TMEM74: variants seen among roughly 807,000 people sequenced by gnomAD.
TMEM74 encodes the protein transmembrane protein 74.
Under a neutral mutation model 18.1 loss-of-function variants are expected in TMEM74, and 13 were observed. That is an observed-to-expected ratio of 0.72 (90% CI 0.47 to 1.14). The LOEUF (loss-of-function observed/expected upper bound fraction) is 1.14, where lower values mean the gene tolerates loss of function less well. Ranked by LOEUF, TMEM74 falls within the 50% of genes most tolerant of loss-of-function variation. The pLI is 0.00. For synonymous variants in TMEM74, 159 were observed against 146.6 expected, an observed-to-expected ratio of 1.08 and a Z score of -0.61; for missense variants, 372 against 375.9, an observed-to-expected ratio of 0.99 and a Z score of 0.09.
At chr8:108,695,031 G>A (rs111690590) in intron 1 of TMEM74, among the ~76,000 whole-genome samples, 4,465 of 152,254 alleles carry the variant, frequency 0.029, 122 homozygotes, top group African/African-American at 0.066. Context: ...CTAACCACAC[G>A]CTGGGCCAGG....
intron 1 of TMEM74, among the ~76,000 whole-genome samples, chr8:108,659,438 T>C (rs1388919478): frequency 6.6e-6 from 1 of 152,168 alleles, no homozygotes; most frequent in East Asian, 1.9e-4. Flanking sequence ...CAATATCCTT[T>C]CTTTCTGGTT....
At chr8:108,653,401 G>C (rs1229295049) in intron 2 of TMEM74, 1 of 152,364 alleles carries the variant, frequency 6.6e-6, no homozygotes, top group African/African-American at 2.4e-5. Flanking sequence ...TGACACACTT[G>C]CCTTTACTTG....
rs1381264278 is a variant in TMEM74, at chr8:108,780,587, G to A, written c.*3594C>T. On this transcript the variant is annotated 3_prime_UTR_variant, in exon 2 of 2. Coordinates refer to ENST00000297459, the MANE Select transcript of TMEM74 (RefSeq NM_153015.3). ...AGAAATTGTACCTTGAAGGGCATGTGCCAGCACTGGTCCAATTGGGTCCCT... is the reference window on the plus strand; with the variant it reads ...AGAAATTGTACCTTGAAGGGCATGTACCAGCACTGGTCCAATTGGGTCCCT... Among the ~76,000 whole-genome samples the A allele has an allele frequency of 6.6e-6, 1 of 152,152 alleles. No individual in the cohort carries two copies. Among genetic ancestry groups the A allele is most frequent in the Non-Finnish European group, 1.5e-5 (1 of 68,028 alleles).
intron 1 of TMEM74, among the ~76,000 whole-genome samples, chr8:108,735,758 T>G (rs1211611813): frequency 1.3e-5 from 2 of 152,114 alleles, no homozygotes; most frequent in East Asian, 3.9e-4. Context: ...TATGGCATCT[T>G]TATCTTTATA....
intron 1 of TMEM74, among the ~76,000 whole-genome samples, chr8:108,680,735 T>G (rs1190476194): frequency 6.6e-6 from 1 of 152,200 alleles, no homozygotes; most frequent in African/African-American, 2.4e-5. Flanking sequence ...TGTCCCTGTT[T>G]GCAGATGTCA....
At chr8:108,774,468 G>T (rs572275994), downstream of TMEM74, among the ~76,000 whole-genome samples, 33 of 152,188 alleles carry the variant, frequency 2.2e-4, no homozygotes, top group Admixed American at 5.9e-4. Context: ...GAGGATTTAT[G>T]CCTTCAGTGT....
chr8:108,670,034 T>TAAAAAAAA lies in TMEM74; in HGVS notation n.120-14598_120-14597insTTTTTTTT, dbSNP rs1563745188. Among the ~76,000 whole-genome samples the TAAAAAAAA allele has an allele frequency of 4.4e-5, 5 of 113,942 alleles. 2 individuals are homozygous for TAAAAAAAA. The highest frequency in any genetic ancestry group is 6.8e-5 in the African/African-American group (2 of 29,224). 74.8% of individuals were successfully genotyped at this position (113,942 alleles called of 152,430 possible). On this transcript the variant is annotated intron_variant and non_coding_transcript_variant, in intron 1 of 3. Transcript: ENST00000518838. The stretch of plus-strand genomic sequence containing the variant: ...GCCTGGATGACAGAGTAAGATTCTG[T>TAAAAAAAA]GAAAAAAAAAAAAAAAAAAAAAAGG...
intron 2 of TMEM74, among the ~76,000 whole-genome samples, chr8:108,619,195 T>C (rs796311416): frequency 6.6e-6 from 1 of 152,166 alleles, no homozygotes; most frequent in African/African-American, 2.4e-5. Context: ...TGTTTTTATA[T>C]CCAAATGGCA....
At chr8:108,769,350 T>A (rs1814145915) in intron 1 of TMEM74, among the ~76,000 whole-genome samples, 1 of 151,944 alleles carries the variant, frequency 6.6e-6, no homozygotes, top group South Asian at 2.1e-4. Context: ...AAAAGTCACA[T>A]CATAGATCTT....
chr8:108,620,437 A>G (rs1165674826), intron 2 of TMEM74, among the ~76,000 whole-genome samples: 4 of 152,142 alleles, frequency 2.6e-5, no homozygotes, highest in Non-Finnish European at 4.4e-5. Flanking sequence ...AGGGATGGAA[A>G]GATATTTATT....
At position 108,783,619 on chromosome 8, in the gene TMEM74, C is replaced by T. The variant is rs1814336699; in HGVS notation, c.*562G>A. On this transcript the variant is annotated 3_prime_UTR_variant, in exon 2 of 2. Transcript: ENST00000297459. ...AAAACAGGAATAATTTCAAACATAACATTTTTTACAATAAGGAAAGCCCAA... is the reference window on the plus strand; with the variant it reads ...AAAACAGGAATAATTTCAAACATAATATTTTTTACAATAAGGAAAGCCCAA... The T allele has an allele frequency of 6.6e-6, 1 of 152,088 alleles. No homozygotes were observed. The highest frequency in any genetic ancestry group is 1.5e-5 in the Non-Finnish European group (1 of 68,020). The allele number at this position is 152,088 out of a possible 1,614,324, so 9.4% of individuals were successfully genotyped here.
rs546312419 is a variant in TMEM74, at chr8:108,678,736, T to C, written n.120-23299A>G. On this transcript the variant is annotated intron_variant and non_coding_transcript_variant, in intron 1 of 3. Coordinates refer to the TMEM74 transcript ENST00000518838. ...GATTTATTGCTTTTTAAAATTTATA[T>C]ATTTATTTATTTATTTTATTATTAT... Among the ~76,000 whole-genome samples the C allele has an allele frequency of 2.7e-5, 4 of 150,434 alleles. No individual in the cohort carries two copies. The South Asian group carries it at 8.3e-4, about 31-fold the overall frequency.
chr8:108,652,628 C>G, intron 2 of TMEM74: 1 of 626,588 alleles, frequency 1.6e-6, no homozygotes, highest in Non-Finnish European at 3.0e-6. Flanking sequence ...GTAAAGAAGG[C>G]AAAAGAAAGC....
At chr8:108,661,828 T>C (rs1812903056) in intron 1 of TMEM74, among the ~76,000 whole-genome samples, 1 of 152,210 alleles carries the variant, frequency 6.6e-6, no homozygotes, top group African/African-American at 2.4e-5. Flanking sequence ...AGTCATACGT[T>C]AGACAAGCTG....
At chr8:108,631,910 C>T (rs1412036253) in intron 2 of TMEM74, among the ~76,000 whole-genome samples, 2 of 151,870 alleles carry the variant, frequency 1.3e-5, no homozygotes, top group African/African-American at 4.8e-5. Context: ...ATATCCATTC[C>T]AAGCTGTTTT....
chr8:108,703,199 T>C (rs911179684), intron 1 of TMEM74, among the ~76,000 whole-genome samples: 10 of 152,176 alleles, frequency 6.6e-5, no homozygotes, highest in African/African-American at 2.4e-4. Flanking sequence ...AGGAAGTTCA[T>C]ATAGGATTTA....
intron 1 of TMEM74, among the ~76,000 whole-genome samples, chr8:108,759,145 A>G (rs532172962): frequency 1.3e-5 from 2 of 152,198 alleles, no homozygotes; most frequent in South Asian, 4.1e-4. Context: ...TCTCAATGGA[A>G]GTAAAAAGGG....
At chr8:108,632,085 C>T (rs1416952939) in intron 2 of TMEM74, among the ~76,000 whole-genome samples, 1 of 151,908 alleles carries the variant, frequency 6.6e-6, no homozygotes, top group Non-Finnish European at 1.5e-5. Context: ...TTAATAGTTA[C>T]AGAATAACTC....
chr8:108,702,349 A>G (rs1042337425), intron 1 of TMEM74, among the ~76,000 whole-genome samples: 2 of 151,178 alleles, frequency 1.3e-5, no homozygotes, highest in African/African-American at 4.9e-5. Context: ...CATCTAAAAA[A>G]AAAAAAAAAA....
Sources: allele counts gnomAD v4.1 joint callset (sites outside exome capture counted in the v4.1 genomes callset), GRCh38; gene constraint gnomAD v4.1.1; transcripts MANE v1.5; gene names NCBI Gene and HGNC (gene_info 2026-07-23, HGNC 2026-07-21).